Variants in OPCML observed in about 807,000 individuals in gnomAD.
OPCML encodes the protein opioid binding protein/cell adhesion molecule like, also known as opioid-binding protein/cell adhesion molecule.
Under a neutral mutation model 37.8 loss-of-function variants are expected in OPCML, and 13 were observed. That is an observed-to-expected ratio of 0.34 (90% CI 0.22 to 0.55). The LOEUF (loss-of-function observed/expected upper bound fraction) is 0.55, where lower values mean the gene tolerates loss of function less well. OPCML is among the 20% of genes least tolerant of loss of function. The pLI, the probability that OPCML is intolerant of heterozygous loss-of-function variation, is 0.91. For missense variants in OPCML, 341 were observed against 435.6 expected, an observed-to-expected ratio of 0.78 and a Z score of 1.93; for synonymous variants, 176 against 168.8, an observed-to-expected ratio of 1.04 and a Z score of -0.33.
At chr11:132,743,385 A>ATCCCG (rs1319410518) in intron 2 of OPCML, among the ~76,000 whole-genome samples, 1 of 152,094 alleles carries the variant, frequency 6.6e-6, no homozygotes, top group African/African-American at 2.4e-5. Context: ...TTCCCATCCC[A>ATCCCG]TCCCCAATGT....
intron 1 of OPCML, among the ~76,000 whole-genome samples, chr11:133,231,403 G>T (rs1940269293): frequency 6.6e-6 from 1 of 152,090 alleles, no homozygotes; most frequent in East Asian, 1.9e-4. Flanking sequence ...AAAAGAGGGG[G>T]TGAGAGTTGG....
At chr11:132,921,411 C>A (rs1416801242) in intron 2 of OPCML, among the ~76,000 whole-genome samples, 8 of 152,240 alleles carry the variant, frequency 5.3e-5, no homozygotes, top group Non-Finnish European at 1.2e-4. Context: ...AGAATTCTGA[C>A]CACCTCCACC....
intron 1 of OPCML, among the ~76,000 whole-genome samples, chr11:133,348,206 A>G (rs556898229): frequency 6.6e-6 from 1 of 152,306 alleles, no homozygotes; most frequent in Non-Finnish European, 1.5e-5. Context: ...ATGTTCCATG[A>G]TTGTGATGAA....
chr11:133,156,359 T>C lies in OPCML; in HGVS notation c.62-213349A>G, dbSNP rs1328359494. 3.3e-5 allele frequency among the ~76,000 whole-genome samples: 5 copies of C among 152,336 alleles called. No homozygotes were observed. In the East Asian group the frequency reaches 9.6e-4, roughly 29 times the overall value. ...GGTTTTTCTTCTCTATCTAGCCAACTCTTCCTCAGCCTAGGTGACTCAGTT... is the reference window on the plus strand; with the variant it reads ...GGTTTTTCTTCTCTATCTAGCCAACCCTTCCTCAGCCTAGGTGACTCAGTT... On this transcript the variant is annotated intron_variant, in intron 1 of 7. Transcript: ENST00000524381.
intron 2 of OPCML, among the ~76,000 whole-genome samples, chr11:132,812,969 T>A (rs1173897335): frequency 6.6e-6 from 1 of 152,210 alleles, no homozygotes; most frequent in Non-Finnish European, 1.5e-5. Context: ...CAGCTATGAT[T>A]TACTAAATGA....
intron 1 of OPCML, among the ~76,000 whole-genome samples, chr11:133,397,958 C>T (rs1945322170): frequency 6.6e-6 from 1 of 152,190 alleles, no homozygotes; most frequent in Non-Finnish European, 1.5e-5. Flanking sequence ...ATTAATATGG[C>T]ATGTTTTCTG....
At chr11:133,197,825 C>T (rs544378459) in intron 1 of OPCML, among the ~76,000 whole-genome samples, 16 of 152,270 alleles carry the variant, frequency 1.1e-4, no homozygotes, top group South Asian at 8.3e-4. Context: ...CCGAGTAGGA[C>T]GCCTCCCCAA....
chr11:132,584,547 C>T (rs2137660437), intron 3 of OPCML, among the ~76,000 whole-genome samples: 1 of 152,102 alleles, frequency 6.6e-6, no homozygotes, highest in Admixed American at 6.5e-5. Flanking sequence ...ATCCATTAAT[C>T]TACAGAACTA....
At chr11:133,477,392 A>G (rs561524002) in intron 1 of OPCML, among the ~76,000 whole-genome samples, 1 of 152,274 alleles carries the variant, frequency 6.6e-6, no homozygotes, top group South Asian at 2.1e-4. Context: ...TTCTAATCCC[A>G]GTTAGCACTC....
chr11:133,246,833 G>A (rs1327037060), intron 1 of OPCML, among the ~76,000 whole-genome samples: 1 of 152,180 alleles, frequency 6.6e-6, no homozygotes, highest in East Asian at 1.9e-4. Context: ...GTACCAGTGG[G>A]AATGGTCAGT....
chr11:132,569,182 G>A (rs1318051714), intron 3 of OPCML, among the ~76,000 whole-genome samples: 1 of 152,166 alleles, frequency 6.6e-6, no homozygotes, highest in African/African-American at 2.4e-5. Flanking sequence ...GTATTTGAAG[G>A]TAACATCTAT....
At chr11:132,509,686 G>A (rs1450224161) in intron 4 of OPCML, among the ~76,000 whole-genome samples, 1 of 152,236 alleles carries the variant, frequency 6.6e-6, no homozygotes, top group African/African-American at 2.4e-5. Context: ...TGAGCCTGCA[G>A]GTGCACAGAA....
rs186612170 is a variant in OPCML at position 132,749,978 on chromosome 11, G to T, written c.147-92659C>A. On this transcript the variant is annotated intron_variant, in intron 2 of 7. Coordinates refer to ENST00000524381, the MANE Select transcript of OPCML (RefSeq NM_001012393.5). ...GCTCACTGTAACCTCTGCCTCCAGG[G>T]TTCAAGTGATTCTCCTGCCTCAGCC... Among the ~76,000 whole-genome samples the T allele has an allele frequency of 2.1e-3, 324 of 152,238 alleles. 2 individuals are homozygous for T. Among genetic ancestry groups the T allele is most frequent in the African/African-American group, 7.4e-3 (309 of 41,552 alleles).
chr11:132,850,003 T>G (rs1401003366), intron 2 of OPCML, among the ~76,000 whole-genome samples: 1 of 152,184 alleles, frequency 6.6e-6, no homozygotes. Context: ...TGTTAGAAAT[T>G]TCCCTAAATA....
intron 1 of OPCML, among the ~76,000 whole-genome samples, chr11:133,383,398 A>G (rs952777047): frequency 6.6e-6 from 1 of 152,200 alleles, no homozygotes; most frequent in Non-Finnish European, 1.5e-5. Context: ...GCCCAAGGCC[A>G]TACAGCTGGT....
At chr11:132,504,343 G>T (rs60556141) in intron 4 of OPCML, among the ~76,000 whole-genome samples, 3,650 of 152,230 alleles carry the variant, frequency 0.024, 136 homozygotes, top group African/African-American at 0.084. Flanking sequence ...TACAAGCGCT[G>T]ACTTGGATGG....
chr11:133,420,769 G>C, intron 1 of OPCML: 1 of 985,382 alleles, frequency 1.0e-6, no homozygotes, highest in Non-Finnish European at 1.2e-6. Flanking sequence ...CAGCCTTCAA[G>C]TTGAAATTCA....
At chr11:133,149,988 A>G (rs1317530953) in intron 1 of OPCML, among the ~76,000 whole-genome samples, 3 of 151,860 alleles carry the variant, frequency 2.0e-5, no homozygotes, top group East Asian at 3.9e-4. Context: ...TTCTCCCAGA[A>G]CTCCGTCCCT....
intron 1 of OPCML, among the ~76,000 whole-genome samples, chr11:133,209,637 T>G (rs1334985937): frequency 6.6e-6 from 1 of 152,218 alleles, no homozygotes; most frequent in Admixed American, 6.5e-5. Context: ...CTTACTCAGC[T>G]TGGTAACCAC....
Sources: allele counts gnomAD v4.1 joint callset (sites outside exome capture counted in the v4.1 genomes callset), GRCh38; gene constraint gnomAD v4.1.1; transcripts MANE v1.5; gene names NCBI Gene and HGNC (gene_info 2026-07-23, HGNC 2026-07-21).